Variants in UGT1A9 observed in about 807,000 individuals in gnomAD.
UGT1A9 encodes UDP-glucuronosyltransferase 1A9.
UGT1A9 carries 35 observed loss-of-function variants against 45.0 expected under a neutral mutation model. That is an observed-to-expected ratio of 0.78 (90% CI 0.59 to 1.03). UGT1A9 has a LOEUF of 1.03. Ranked by LOEUF, UGT1A9 falls within the 50% of genes least tolerant of loss-of-function variation. UGT1A9 has a pLI of 0.00. For missense variants in UGT1A9, 687 were observed against 666.6 expected (o/e 1.03, Z -0.34); for synonymous variants, 278 against 250.6 (o/e 1.11, Z -1.03).
At chr2:233,678,328 A>T (rs7588138) in intron 1 of UGT1A9, among the ~76,000 whole-genome samples, 92,506 of 151,144 alleles carry the variant, frequency 0.61, 28,530 homozygotes, top group South Asian at 0.65. Context: ...TATGTATAAG[A>T]GGAAGTCATT....
At chr2:233,729,952 A>G (rs1448205377) in intron 1 of UGT1A9, 1 of 1,614,072 alleles carries the variant, frequency 6.2e-7, no homozygotes, top group African/African-American at 1.3e-5. Flanking sequence ...CATGGTCTTC[A>G]TTGGGGGCAT....
intron 2 of UGT1A9, 50 bp from the exon 3 acceptor site, chr2:233,767,799 T>A (rs1699488429): frequency 6.2e-7 from 1 of 1,614,032 alleles, no homozygotes. Context: ...ATTTGTTTTC[T>A]AATCATATTA....
chr2:233,688,606 C>G (rs1414211469), intron 1 of UGT1A9, among the ~76,000 whole-genome samples: 3 of 152,254 alleles, frequency 2.0e-5, no homozygotes, highest in South Asian at 4.1e-4. Flanking sequence ...CAGAATAACA[C>G]CCTCAGCAAA....
chr2:233,719,246 T>C (rs1449809732), intron 1 of UGT1A9: 8 of 1,614,096 alleles, frequency 5.0e-6, no homozygotes, highest in Non-Finnish European at 6.8e-6. Flanking sequence ...GGCACCTGAA[T>C]GCTACTTCCT....
intron 1 of UGT1A9, chr2:233,756,414 T>G (rs1696206608): frequency 6.6e-6 from 1 of 152,212 alleles, no homozygotes; most frequent in African/African-American, 2.4e-5. Flanking sequence ...ATTTGTATTA[T>G]TTGTACTGTT....
chr2:233,716,467 G>A (rs376929517), intron 1 of UGT1A9, among the ~76,000 whole-genome samples: 1 of 151,558 alleles, frequency 6.6e-6, no homozygotes, highest in African/African-American at 2.4e-5. Context: ...TTTAATTTTT[G>A]TTTCTGTCCT....
At chr2:233,763,911 C>G (rs1698426001) in intron 1 of UGT1A9, among the ~76,000 whole-genome samples, 2 of 152,076 alleles carry the variant, frequency 1.3e-5, no homozygotes, top group Admixed American at 1.3e-4. Context: ...TAGTGAGGAC[C>G]AAGGCTTCGA....
At chr2:233,729,553 G>A in intron 1 of UGT1A9, 1 of 1,614,176 alleles carries the variant, frequency 6.2e-7, no homozygotes, top group Middle Eastern at 1.7e-4. Context: ...GCACCTGAAT[G>A]CTACTTCCTT....
intron 1 of UGT1A9, chr2:233,753,299 C>G (rs1319108778): frequency 6.6e-6 from 1 of 152,180 alleles, no homozygotes; most frequent in Non-Finnish European, 1.5e-5. Flanking sequence ...AGTGTGAGAC[C>G]CCGTGTGCCC....
intron 1 of UGT1A9, among the ~76,000 whole-genome samples, chr2:233,764,487 A>G (rs115581914): frequency 4.6e-5 from 7 of 152,316 alleles, no homozygotes; most frequent in African/African-American, 1.4e-4. Context: ...TCGAATGTTT[A>G]TGGACCTGTG....
chr2:233,766,731 T>C (rs1699235503), intron 1 of UGT1A9, among the ~76,000 whole-genome samples: 1 of 152,174 alleles, frequency 6.6e-6, no homozygotes, highest in African/African-American at 2.4e-5. Flanking sequence ...TATCACTGTG[T>C]GTATGTACAG....
chr2:233,754,888 TC>T (rs1267337682), intron 1 of UGT1A9: 34 of 1,351,412 alleles, frequency 2.5e-5, no homozygotes, highest in Non-Finnish European at 3.4e-5. Flanking sequence ...CCCAGGGAGT[TC>T]CTCTGACCCC....
intron 1 of UGT1A9, among the ~76,000 whole-genome samples, chr2:233,677,278 A>T (rs2074386326): frequency 6.6e-6 from 1 of 152,068 alleles, no homozygotes; most frequent in South Asian, 2.1e-4. Context: ...CATGTTTTTG[A>T]TGCTATTTAA....
chr2:233,678,057 A>G (rs556789798), intron 1 of UGT1A9, among the ~76,000 whole-genome samples: 1 of 152,346 alleles, frequency 6.6e-6, no homozygotes, highest in East Asian at 1.9e-4. Context: ...CTAAGGGAAT[A>G]TATACAGGCA....
intron 1 of UGT1A9, among the ~76,000 whole-genome samples, chr2:233,694,479 C>T (rs2075222456): frequency 6.6e-6 from 1 of 152,102 alleles, no homozygotes; most frequent in Admixed American, 6.6e-5. Flanking sequence ...TGGCCTCTGA[C>T]CTAAGACAAG....
intron 1 of UGT1A9, chr2:233,744,012 G>C (rs541267003): frequency 9.2e-7 from 1 of 1,089,588 alleles, no homozygotes. Flanking sequence ...GACCTGGGCC[G>C]CCTGGAGAGA....
At chr2:233,693,528 C>T (rs116011063) in intron 1 of UGT1A9, 36 of 1,614,040 alleles carry the variant, frequency 2.2e-5, no homozygotes, top group Non-Finnish European at 2.7e-5. Context: ...AGGGGTTTTC[C>T]GTGTTCCCTG....
chr2:233,724,426 G>T, intron 1 of UGT1A9, among the ~76,000 whole-genome samples: 1 of 134,712 alleles, frequency 7.4e-6, no homozygotes, highest in Admixed American at 7.3e-5. Flanking sequence ...GGGCGGAGAG[G>T]CTCCTCACTT....
At chr2:233,733,843 T>C (rs1303071690) in intron 1 of UGT1A9, among the ~76,000 whole-genome samples, 2 of 152,184 alleles carry the variant, frequency 1.3e-5, no homozygotes, top group African/African-American at 4.8e-5. Flanking sequence ...GAGGATTCCC[T>C]CTTTTTCTAT....
Sources: allele counts gnomAD v4.1 joint callset (sites outside exome capture counted in the v4.1 genomes callset), GRCh38; gene constraint gnomAD v4.1.1; transcripts MANE v1.5; gene names NCBI Gene and HGNC (gene_info 2026-07-23, HGNC 2026-07-21).